The following SLCO1B3 variants were observed in gnomAD, a reference collection of about 807,000 sequenced individuals.
The protein encoded by SLCO1B3 is liver-specific organic anion transporter 2.
SLCO1B3 carries 72 observed loss-of-function variants against 71.8 expected under a neutral mutation model. The ratio of observed to expected loss-of-function variants is 1.00; its 90% CI spans 0.83 to 1.22. The LOEUF (loss-of-function observed/expected upper bound fraction) is 1.22, where lower values mean the gene tolerates loss of function less well. SLCO1B3 is among the 50% of genes most tolerant of loss of function. SLCO1B3 has a pLI of 0.00. For synonymous variants in SLCO1B3, 298 were observed against 278.4 expected, an observed-to-expected ratio of 1.07 and a Z score of -0.70; for missense variants, 911 against 819.7, an observed-to-expected ratio of 1.11 and a Z score of -1.36.
intron 5 of SLCO1B3, chr12:20,859,050 G>A (rs1319259362): frequency 6.6e-6 from 1 of 152,384 alleles, no homozygotes; most frequent in African/African-American, 2.4e-5. Context: ...AAATAAGATA[G>A]AAGTTTATTT....
chr12:20,874,525 G>A (rs10492339), intron 8 of SLCO1B3, among the ~76,000 whole-genome samples: 110,138 of 152,048 alleles, frequency 0.72, 42,484 homozygotes, highest in South Asian at 0.9. Flanking sequence ...ATGCATTCCT[G>A]TTACTTAAAC....
chr12:20,862,679 A>G (rs1865292550), intron 7 of SLCO1B3, 77 bp from the exon 8 acceptor site: 3 of 1,442,950 alleles, frequency 2.1e-6, no homozygotes, highest in Non-Finnish European at 2.9e-6. Context: ...GTATTGTATA[A>G]TATTACTTTT....
At chr12:20,854,486 C>A (rs1348259622) in intron 3 of SLCO1B3, among the ~76,000 whole-genome samples, 1 of 152,078 alleles carries the variant, frequency 6.6e-6, no homozygotes, top group African/African-American at 2.4e-5. Context: ...GTCATAAAAT[C>A]TAGTTTTTCT....
At chr12:20,900,803 C>T (rs982679245) in intron 14 of SLCO1B3, among the ~76,000 whole-genome samples, 8 of 152,248 alleles carry the variant, frequency 5.3e-5, no homozygotes, top group South Asian at 2.1e-4. Flanking sequence ...GCCAATAGCT[C>T]GGAGCACCCC....
chr12:20,895,487 A>G lies in SLCO1B3; in HGVS notation c.1683-2949A>G, dbSNP rs369955858. 8.2e-4 allele frequency among the ~76,000 whole-genome samples: 125 copies of G among 152,328 alleles called. 3 individuals are homozygous for G. The South Asian group carries it at 0.025, about 30-fold the overall frequency. ...AGTTTGAAATCCAGCAGGGCAGTCA[A>G]AACTTGAAGCTCCAAAATGATCTCC... On this transcript the variant is annotated intron_variant, in intron 13 of 15. Coordinates refer to ENST00000381545, the MANE Select transcript of SLCO1B3 (RefSeq NM_019844.4).
chr12:20,810,774 G>T lies in SLCO1B3; in HGVS notation c.-181+10G>T, dbSNP rs556470142. On this transcript the variant is annotated intron_variant, in intron 1 of 15. Coordinates refer to ENST00000381545, the MANE Select transcript of SLCO1B3 (RefSeq NM_019844.4). ...AGCATTCAAAGTCAAGGTAAGAACCGTCGAGGTTGTCTAATTAAAACATTT... is the reference window on the plus strand; with the variant it reads ...AGCATTCAAAGTCAAGGTAAGAACCTTCGAGGTTGTCTAATTAAAACATTT... The T allele has an allele frequency of 6.6e-6, 1 of 152,268 alleles. No homozygotes were observed. The highest frequency in any genetic ancestry group is 1.5e-5 in the Non-Finnish European group (1 of 68,002). The allele number at this position is 152,268 out of a possible 1,614,324, so 9.4% of individuals were successfully genotyped here.
chr12:20,813,992 T>G (rs1308664355), intron 2 of SLCO1B3, among the ~76,000 whole-genome samples: 1 of 152,196 alleles, frequency 6.6e-6, no homozygotes, highest in Non-Finnish European at 1.5e-5. Context: ...CATTGATATT[T>G]ACATACTTAG....
At chr12:20,864,484 TAA>T (rs1684173601) in intron 8 of SLCO1B3, among the ~76,000 whole-genome samples, 1 of 152,204 alleles carries the variant, frequency 6.6e-6, no homozygotes, top group African/African-American at 2.4e-5. Flanking sequence ...CAAGAAATCA[TAA>T]AGTGTTTTCT....
intron 3 of SLCO1B3, among the ~76,000 whole-genome samples, chr12:20,843,341 A>C (rs546156683): frequency 1.3e-5 from 2 of 152,172 alleles, no homozygotes; most frequent in Non-Finnish European, 2.9e-5. Context: ...GTTTTATTGA[A>C]GTATATCTTC....
intron 15 of SLCO1B3, among the ~76,000 whole-genome samples, chr12:20,912,200 A>T (rs1035867515): frequency 9.2e-5 from 14 of 151,922 alleles, no homozygotes; most frequent in Non-Finnish European, 1.6e-4. Context: ...AGACTTTCCA[A>T]TGATCTTTCT....
chr12:20,857,393 A>G (rs922930790), intron 4 of SLCO1B3, among the ~76,000 whole-genome samples: 4 of 151,994 alleles, frequency 2.6e-5, no homozygotes, highest in Non-Finnish European at 5.9e-5. Flanking sequence ...TATGAGATAA[A>G]TAATATATTT....
At chr12:20,883,358 AT>A (rs1196194465) in intron 12 of SLCO1B3, 59 bp from the exon 13 acceptor site, 2 of 953,722 alleles carry the variant, frequency 2.1e-6, no homozygotes, top group African/African-American at 3.5e-5. Flanking sequence ...AATGGAATGT[AT>A]TCATAGCCCT....
chr12:20,834,135 C>G (rs1431126800), intron 3 of SLCO1B3, among the ~76,000 whole-genome samples: 1 of 138,380 alleles, frequency 7.2e-6, no homozygotes, highest in African/African-American at 2.6e-5. Context: ...TACATACATA[C>G]ACATATAAAA....
intron 3 of SLCO1B3, among the ~76,000 whole-genome samples, chr12:20,822,373 G>C (rs1401705347): frequency 6.6e-6 from 1 of 152,126 alleles, no homozygotes; most frequent in East Asian, 1.9e-4. Context: ...GTTCTCTGGT[G>C]GGCAGGGGCG....
intron 13 of SLCO1B3, among the ~76,000 whole-genome samples, chr12:20,887,683 G>A (rs565831903): frequency 2.7e-5 from 4 of 150,874 alleles, no homozygotes; most frequent in Non-Finnish European, 5.9e-5. Context: ...ATACTCTGTT[G>A]ATTATTATTA....
At chr12:20,830,471 T>C (rs1323294905) in intron 3 of SLCO1B3, among the ~76,000 whole-genome samples, 1 of 152,134 alleles carries the variant, frequency 6.6e-6, no homozygotes, top group Non-Finnish European at 1.5e-5. Context: ...GGTAGGTAAA[T>C]AGTCAAGTAT....
At chr12:20,829,402 A>T (rs1864493410) in intron 3 of SLCO1B3, among the ~76,000 whole-genome samples, 1 of 152,226 alleles carries the variant, frequency 6.6e-6, no homozygotes, top group South Asian at 2.1e-4. Flanking sequence ...TTCAGAAAGG[A>T]GTTGTTGGTC....
chr12:20,905,097 T>A (rs930281608), intron 15 of SLCO1B3, among the ~76,000 whole-genome samples: 4 of 152,146 alleles, frequency 2.6e-5, no homozygotes, highest in African/African-American at 9.7e-5. Flanking sequence ...AGCTTGGGGC[T>A]TGCACCCTCT....
At chr12:20,834,688 G>C (rs1864635831) in intron 3 of SLCO1B3, among the ~76,000 whole-genome samples, 1 of 151,894 alleles carries the variant, frequency 6.6e-6, no homozygotes, top group Non-Finnish European at 1.5e-5. Flanking sequence ...CCTCAGTCTT[G>C]GGCAGCTCCA....
Sources: allele counts gnomAD v4.1 joint callset (sites outside exome capture counted in the v4.1 genomes callset), GRCh38; gene constraint gnomAD v4.1.1; transcripts MANE v1.5; gene names NCBI Gene and HGNC (gene_info 2026-07-23, HGNC 2026-07-21).